The following ANKRD30BL variants were observed in gnomAD, a reference collection of about 807,000 sequenced individuals.
ANKRD30BL encodes the protein ankyrin repeat domain 30B like, also known as putative ankyrin repeat domain-containing protein 30B-like.
Under a neutral mutation model 18.4 loss-of-function variants are expected in ANKRD30BL, and 20 were observed. The ratio of observed to expected loss-of-function variants is 1.09; its 90% CI spans 0.77 to 1.58. The LOEUF is 1.58. Among genes scored for constraint, ANKRD30BL ranks in the 40% most tolerant of loss-of-function variants. The pLI is 0.00. For synonymous variants in ANKRD30BL, 72 were observed against 100.9 expected (o/e 0.71, Z 1.72); for missense variants, 224 against 268.6 (o/e 0.83, Z 1.16).
At chr2:132,235,604 T>C (rs1202406920) in intron 1 of ANKRD30BL, among the ~76,000 whole-genome samples, 1 of 151,890 alleles carries the variant, frequency 6.6e-6, no homozygotes, top group Non-Finnish European at 1.5e-5. Flanking sequence ...TCAAAGAGAA[T>C]AAAATACCTA....
At chr2:132,214,385 C>T (rs1573850046) in intron 1 of ANKRD30BL, among the ~76,000 whole-genome samples, 2 of 152,092 alleles carry the variant, frequency 1.3e-5, no homozygotes, top group East Asian at 1.9e-4. Context: ...TCTGTGCATT[C>T]GTCTCACAGA....
At chr2:132,213,460 TGGA>T in intron 1 of ANKRD30BL, among the ~76,000 whole-genome samples, 1 of 152,136 alleles carries the variant, frequency 6.6e-6, no homozygotes, top group Non-Finnish European at 1.5e-5. Flanking sequence ...AGGCATATGG[TGGA>T]GAAGGAAATA....
chr2:132,240,698 T>A (rs78564453), intron 1 of ANKRD30BL, among the ~76,000 whole-genome samples: 1 of 151,896 alleles, frequency 6.6e-6, no homozygotes, highest in Non-Finnish European at 1.5e-5. Context: ...TCTCAGAAAC[T>A]TCTTTGTGAT....
intron 1 of ANKRD30BL, among the ~76,000 whole-genome samples, chr2:132,204,604 G>A (rs1679174300): frequency 6.6e-6 from 1 of 152,068 alleles, no homozygotes; most frequent in African/African-American, 2.4e-5. Context: ...GTACAGGCAT[G>A]ATGTGATGAA....
intron 1 of ANKRD30BL, among the ~76,000 whole-genome samples, chr2:132,179,291 CTTTT>C (rs61427674): frequency 7.2e-6 from 1 of 138,804 alleles, no homozygotes. Context: ...TTCTTTTTAT[CTTTT>C]TTTTTTTTTT....
intron 1 of ANKRD30BL, among the ~76,000 whole-genome samples, chr2:132,211,475 TTTGA>T (rs1425291721): frequency 6.6e-6 from 1 of 152,090 alleles, no homozygotes; most frequent in Non-Finnish European, 1.5e-5. Flanking sequence ...GAACCTTACC[TTTGA>T]TTGAGCAGTT....
intron 3 of ANKRD30BL, chr2:132,155,146 T>A (rs1687867832): frequency 6.4e-6 from 1 of 155,088 alleles, no homozygotes; most frequent in African/African-American, 2.4e-5. Flanking sequence ...TAGAACAGTG[T>A]TTCTTCAACT....
intron 1 of ANKRD30BL, among the ~76,000 whole-genome samples, chr2:132,237,159 A>C (rs562002207): frequency 6.6e-6 from 1 of 152,130 alleles, no homozygotes; most frequent in African/African-American, 2.4e-5. Context: ...TACCATTGGG[A>C]GATATACCTA....
intron 1 of ANKRD30BL, among the ~76,000 whole-genome samples, chr2:132,184,728 T>C (rs1413623293): frequency 1.3e-5 from 2 of 152,158 alleles, no homozygotes; most frequent in Admixed American, 1.3e-4. Flanking sequence ...TTTTGTGACT[T>C]GGATTTGTTT....
At chr2:132,253,939 A>T (rs1433182042) in intron 1 of ANKRD30BL, among the ~76,000 whole-genome samples, 4 of 151,912 alleles carry the variant, frequency 2.6e-5, no homozygotes, top group African/African-American at 9.7e-5. Context: ...AGCGATGGGA[A>T]CCTGGCCAGC....
intron 1 of ANKRD30BL, among the ~76,000 whole-genome samples, chr2:132,158,177 A>T (rs1687963020): frequency 6.6e-6 from 1 of 152,124 alleles, no homozygotes; most frequent in South Asian, 2.1e-4. Flanking sequence ...CACTTAAAGA[A>T]ATTTTAGCTT....
At chr2:132,162,456 C>T (rs969458887), upstream of ANKRD30BL, among the ~76,000 whole-genome samples, 6 of 152,134 alleles carry the variant, frequency 3.9e-5, no homozygotes, top group East Asian at 1.9e-4. Flanking sequence ...TGCTCTTCCT[C>T]GGCTCGCGCT....
At chr2:132,242,863 T>G (rs993236860) in intron 1 of ANKRD30BL, among the ~76,000 whole-genome samples, 10 of 151,500 alleles carry the variant, frequency 6.6e-5, no homozygotes, top group African/African-American at 2.4e-4. Flanking sequence ...TTGAGACCTG[T>G]GGTGAAAAAG....
At chr2:132,175,396 A>T (rs1688349560) in intron 1 of ANKRD30BL, among the ~76,000 whole-genome samples, 2 of 152,230 alleles carry the variant, frequency 1.3e-5, no homozygotes, top group Non-Finnish European at 1.5e-5. Context: ...AGTAAAGAAC[A>T]ATAAAGCAGC....
intron 1 of ANKRD30BL, among the ~76,000 whole-genome samples, chr2:132,172,273 G>A (rs1040667204): frequency 3.3e-5 from 5 of 152,128 alleles, no homozygotes; most frequent in African/African-American, 4.8e-5. Flanking sequence ...GTAGTTCTAT[G>A]TCTAACTTTT....
intron 1 of ANKRD30BL, among the ~76,000 whole-genome samples, chr2:132,244,656 T>C (rs1166818335): frequency 6.6e-6 from 1 of 152,300 alleles, no homozygotes; most frequent in Non-Finnish European, 1.5e-5. Flanking sequence ...AATCACAGAA[T>C]TGAACTTCTC....
chr2:132,171,944 A>G (rs1688291236), intron 1 of ANKRD30BL, among the ~76,000 whole-genome samples: 2 of 152,212 alleles, frequency 1.3e-5, no homozygotes, highest in Admixed American at 6.5e-5. Context: ...TATTCTAAGT[A>G]CTTCAAGCAA....
intron 1 of ANKRD30BL, among the ~76,000 whole-genome samples, chr2:132,223,658 T>G (rs1679760555): frequency 6.6e-6 from 1 of 151,648 alleles, no homozygotes; most frequent in South Asian, 2.1e-4. Flanking sequence ...TCTCAGAAAC[T>G]TCCTTGTGAT....
At chr2:132,209,641 G>C (rs1438136230) in intron 1 of ANKRD30BL, among the ~76,000 whole-genome samples, 3 of 151,962 alleles carry the variant, frequency 2.0e-5, no homozygotes, top group African/African-American at 7.2e-5. Context: ...TCTGCATGTG[G>C]ATATTTGGAT....
Sources: gnomAD v4.1 joint callset for allele counts (sites outside exome capture counted in the v4.1 genomes callset) on GRCh38, gnomAD v4.1.1 for gene constraint, MANE v1.5 for transcripts, NCBI Gene and HGNC (gene_info 2026-07-23, HGNC 2026-07-21) for gene names.